STAU2: variants seen among roughly 807,000 people sequenced by gnomAD.
STAU2 encodes double-stranded RNA-binding protein Staufen homolog 2.
A neutral mutation model predicts 65.9 loss-of-function variants in STAU2; 20 were observed. The ratio of observed to expected loss-of-function variants is 0.30; its 90% CI spans 0.21 to 0.44. The LOEUF is 0.44. Among genes scored for constraint, STAU2 ranks in the 20% least tolerant of loss-of-function variants. The probability of loss-of-function intolerance (pLI) is 1.00; values close to 1 mark genes in which losing one functional copy is unlikely to be tolerated. For missense variants in STAU2, 558 were observed against 683.9 expected (o/e 0.82, Z 2.05); for synonymous variants, 232 against 233.9 (o/e 0.99, Z 0.07).
intron 3 of STAU2, among the ~76,000 whole-genome samples, chr8:73,734,065 A>G (rs1806253349): frequency 6.6e-6 from 1 of 152,130 alleles, no homozygotes; most frequent in African/African-American, 2.4e-5. Context: ...ACTTCAAAAC[A>G]TTACATATTG....
At chr8:73,596,091 C>T (rs1450537522) in intron 10 of STAU2, among the ~76,000 whole-genome samples, 2 of 151,070 alleles carry the variant, frequency 1.3e-5, no homozygotes, top group African/African-American at 4.9e-5. Flanking sequence ...CAGCCTGGGG[C>T]CACAGAGCAA....
chr8:73,456,856 G>A (rs2128897560), intron 13 of STAU2, among the ~76,000 whole-genome samples: 1 of 152,312 alleles, frequency 6.6e-6, no homozygotes, highest in East Asian at 1.9e-4. Context: ...AATTCCAGGA[G>A]TTGTACAGAA....
In STAU2 at chr8:73,422,626, C is replaced by A. The variant is rs527332052; in HGVS notation, c.1607G>T (p.Gly536Val). 31 of 1,515,376 alleles carry A rather than the reference C, an allele frequency of 2.0e-5. No individual in the cohort carries two copies. The highest frequency in any genetic ancestry group is 1.4e-4 in the African/African-American group (10 of 71,894). The allele number at this position is 1,515,376 out of a possible 1,614,324, so 93.9% of individuals were successfully genotyped here. Residue 536 changes from glycine (G) to valine (V), a missense_variant, in exon 14 of 15, where the codon GGT becomes GTT. Around this residue, in one of 3 missense-constraint regions of STAU2, gnomAD observed 247 missense variants for 270.1 expected, o/e 0.91. Coordinates refer to ENST00000524300, the MANE Select transcript of STAU2 (RefSeq NM_001164380.2). ...GGGATTTACTCACTTTTCAAGAGAA[C>A]CTTTTTCGATATTCATTGCTCCATC... ...PIDGAMNIEK[G>V]SLEKQAKHLR...
chr8:73,550,317 TAC>T lies in STAU2; in HGVS notation c.1530+1693_1530+1694del, dbSNP rs2128942261. The T allele has an allele frequency of 3.1e-6, 3 of 983,382 alleles. No homozygotes were observed. The African/African-American group carries it at 5.2e-5, about 17-fold the overall frequency. The allele number at this position is 983,382 out of a possible 1,614,324, so 60.9% of individuals were successfully genotyped here. Reference sequence around the variant, plus strand: ...AGGGAAGCAGACTCTACATGTTGACTACAGTGAAGATATGTTAAAATTATAAT... The same window carrying T: ...AGGGAAGCAGACTCTACATGTTGACTAGTGAAGATATGTTAAAATTATAAT... On this transcript the variant is annotated intron_variant, in intron 13 of 14. Coordinates refer to ENST00000524300, the MANE Select transcript of STAU2 (RefSeq NM_001164380.2).
chr8:73,602,096 T>G (rs1195676871), intron 10 of STAU2, among the ~76,000 whole-genome samples: 1 of 150,066 alleles, frequency 6.7e-6, no homozygotes, highest in East Asian at 1.9e-4. Flanking sequence ...GACTACATTA[T>G]AAGTTAACAT....
chr8:73,685,838 G>A (rs1818768066), intron 5 of STAU2, among the ~76,000 whole-genome samples: 1 of 152,174 alleles, frequency 6.6e-6, no homozygotes, highest in Non-Finnish European at 1.5e-5. Context: ...TTATATGAAA[G>A]AGACACTTGT....
chr8:73,614,966 C>T (rs898199706), intron 8 of STAU2, among the ~76,000 whole-genome samples: 30 of 152,088 alleles, frequency 2.0e-4, no homozygotes, highest in African/African-American at 7.0e-4. Context: ...CTCAGTCCAA[C>T]TCAGATGATC....
chr8:73,562,468 C>A (rs753380757), intron 12 of STAU2, among the ~76,000 whole-genome samples: 3 of 152,198 alleles, frequency 2.0e-5, no homozygotes, highest in Non-Finnish European at 4.4e-5. Context: ...CCTGGACACA[C>A]TGTCTCTTTA....
chr8:73,425,648 C>T (rs1816756852), intron 13 of STAU2, among the ~76,000 whole-genome samples: 1 of 152,176 alleles, frequency 6.6e-6, no homozygotes, highest in African/African-American at 2.4e-5. Flanking sequence ...TTCTCTCTCT[C>T]TCCCTGTATT....
rs374750367 is a variant in STAU2 at position 73,463,155 on chromosome 8, CA to C, written c.1531-40454del. Among the ~76,000 whole-genome samples the C allele has an allele frequency of 3.7e-3, 565 of 152,262 alleles. 3 individuals carry two copies. Among genetic ancestry groups the C allele is most frequent in the Non-Finnish European group, 6.5e-3 (441 of 68,022 alleles). On this transcript the variant is annotated intron_variant, in intron 13 of 14. Coordinates refer to ENST00000524300, the MANE Select transcript of STAU2 (RefSeq NM_001164380.2). ...AGTTATGATGCTTACTAGAAAGTGACAAGATGAACACTGTCCAGTTTTATCT... is the reference window on the plus strand; with the variant it reads ...AGTTATGATGCTTACTAGAAAGTGACAGATGAACACTGTCCAGTTTTATCT...
Position 73,717,103 on chromosome 8 carries a change from A to C in STAU2, c.-17-7941T>G, listed in dbSNP as rs567688157. On this transcript the variant is annotated intron_variant, in intron 3 of 14. Coordinates refer to ENST00000524300, the MANE Select transcript of STAU2 (RefSeq NM_001164380.2). The stretch of plus-strand genomic sequence containing the variant: ...GGGAACAGAGCAAGACTCTGTCTCC[A>C]AAAAAAATAAATAAAGTAGTAGGAA... Among the ~76,000 whole-genome samples, 47 of 152,122 alleles carry C rather than the reference A, an allele frequency of 3.1e-4. No individual in the cohort carries two copies. In the South Asian group the frequency reaches 9.1e-3, roughly 30 times the overall value.
At chr8:73,581,369 C>T (rs1809968564) in intron 12 of STAU2, among the ~76,000 whole-genome samples, 1 of 152,074 alleles carries the variant, frequency 6.6e-6, no homozygotes, top group African/African-American at 2.4e-5. Flanking sequence ...TATGTATGCA[C>T]AAACCATCTG....
intron 13 of STAU2, among the ~76,000 whole-genome samples, chr8:73,518,147 CTGA>C (rs1822842290): frequency 6.6e-6 from 1 of 152,192 alleles, no homozygotes; most frequent in Non-Finnish European, 1.5e-5. Context: ...CTGATAAATA[CTGA>C]TGAAGACAGA....
intron 6 of STAU2, among the ~76,000 whole-genome samples, chr8:73,647,907 T>C (rs559393058): frequency 5.9e-5 from 9 of 152,256 alleles, no homozygotes; most frequent in African/African-American, 1.7e-4. Flanking sequence ...TTTGCTGCAG[T>C]GCTTGCATGA....
intron 13 of STAU2, among the ~76,000 whole-genome samples, chr8:73,466,327 A>T (rs1819650950): frequency 6.6e-6 from 1 of 152,000 alleles, no homozygotes; most frequent in Non-Finnish European, 1.5e-5. Context: ...CTGTGTCTTT[A>T]AAAAAAATAA....
At chr8:73,654,659 AAAG>A (rs1816179888) in intron 6 of STAU2, among the ~76,000 whole-genome samples, 2 of 141,922 alleles carry the variant, frequency 1.4e-5, no homozygotes, top group Non-Finnish European at 3.1e-5. Flanking sequence ...AAAAAAAAAA[AAAG>A]AACTCTTTTA....
intron 13 of STAU2, chr8:73,511,283 T>G (rs1822386699): frequency 6.5e-6 from 1 of 152,916 alleles, no homozygotes; most frequent in South Asian, 2.1e-4. Flanking sequence ...TCAACATCAC[T>G]TTCACCATCA....
chr8:73,574,429 T>G (rs1286885087), intron 12 of STAU2, among the ~76,000 whole-genome samples: 1 of 152,210 alleles, frequency 6.6e-6, no homozygotes, highest in Non-Finnish European at 1.5e-5. Flanking sequence ...GGATTATAAA[T>G]CATGCTGCTA....
At chr8:73,558,592 C>T (rs1218446688) in intron 12 of STAU2, among the ~76,000 whole-genome samples, 1 of 152,124 alleles carries the variant, frequency 6.6e-6, no homozygotes. Flanking sequence ...TCACTGATGT[C>T]ATGATTCTTT....
Sources: gnomAD v4.1 joint callset for allele counts (sites outside exome capture counted in the v4.1 genomes callset) on GRCh38, gnomAD v4.1.1 for gene constraint, gnomAD v4.1.1 regional missense constraint, MANE v1.5 for transcripts, NCBI Gene and HGNC (gene_info 2026-07-23, HGNC 2026-07-21) for gene names.